KLHDC4: variants seen among roughly 807,000 people sequenced by gnomAD.
KLHDC4 encodes the protein kelch domain containing 4.
In KLHDC4, 90 loss-of-function variants were observed where a neutral mutation model predicts 62.4. The ratio of observed to expected loss-of-function variants is 1.44; its 90% CI spans 1.22 to 1.72. The LOEUF (loss-of-function observed/expected upper bound fraction) is 1.72, where lower values mean the gene tolerates loss of function less well. KLHDC4 is among the 40% of genes most tolerant of loss of function. The pLI is 0.00. For missense variants in KLHDC4, 1,025 were observed against 699.7 expected, an observed-to-expected ratio of 1.47 and a Z score of -5.25; for synonymous variants, 386 against 284.4, an observed-to-expected ratio of 1.36 and a Z score of -3.59.
intron 1 of KLHDC4, among the ~76,000 whole-genome samples, chr16:87,763,943 T>G (rs1229767939): frequency 6.6e-6 from 1 of 152,190 alleles, no homozygotes; most frequent in Non-Finnish European, 1.5e-5. Flanking sequence ...TTGCCATGTT[T>G]GAGACACTAA....
chr16:87,703,752 G>T (rs1256833667), downstream of KLHDC4, among the ~76,000 whole-genome samples: 1 of 152,242 alleles, frequency 6.6e-6, no homozygotes, highest in African/African-American at 2.4e-5. Context: ...CGTGGTACCT[G>T]CACTGTGGCC....
At chr16:87,751,455 C>G (rs1012506765) in intron 4 of KLHDC4, among the ~76,000 whole-genome samples, 1 of 143,370 alleles carries the variant, frequency 7.0e-6, no homozygotes, top group African/African-American at 2.6e-5. Flanking sequence ...GCCCGGGCAA[C>G]AGAGCAAGAC....
At chr16:87,746,813 G>A (rs759121752) in intron 5 of KLHDC4, among the ~76,000 whole-genome samples, 10 of 152,204 alleles carry the variant, frequency 6.6e-5, no homozygotes, top group Non-Finnish European at 1.5e-4. Flanking sequence ...ATTAAAAAAA[G>A]TCTAATAGCT....
exon 14 of KLHDC4, chr16:87,702,263 A>C (rs547109156): frequency 2.2e-6 from 1 of 456,344 alleles, no homozygotes; most frequent in South Asian, 1.5e-5. Context: ...CGCCGAGTCC[A>C]TAAAGGGCAG....
At chr16:87,699,272 G>A (rs1315279067) in exon 1 of KLHDC4, 7 of 152,252 alleles carry the variant, frequency 4.6e-5, no homozygotes, top group East Asian at 1.9e-4. Context: ...GGATAATTTC[G>A]GGAACTGAAA....
At position 87,736,608 on chromosome 16, in the gene KLHDC4, G is replaced by A. The variant is rs1188689581; in HGVS notation, c.507-5964C>T. Reference sequence around the variant, plus strand: ...GTATCAAGTCCATCAAATAACAAATGATAGTGTAAAGACAGGGCACTTAAT... The same window carrying A: ...GTATCAAGTCCATCAAATAACAAATAATAGTGTAAAGACAGGGCACTTAAT... On this transcript the variant is annotated intron_variant, in intron 5 of 11. Coordinates refer to ENST00000270583, the MANE Select transcript of KLHDC4 (RefSeq NM_017566.4). Among the ~76,000 whole-genome samples, 9 of 152,282 alleles carry A rather than the reference G, an allele frequency of 5.9e-5. No individual in the cohort carries two copies. The East Asian group carries it at 1.7e-3, about 29-fold the overall frequency.
In KLHDC4 at chr16:87,748,851, C is replaced by G. The variant is rs1386304701; in HGVS notation, c.370-42G>C. The G allele has an allele frequency of 1.9e-6, 3 of 1,608,378 alleles. No individual in the cohort carries two copies. The African/African-American group carries it at 4.1e-5, about 22-fold the overall frequency. On this transcript the variant is annotated intron_variant, in intron 4 of 11. Coordinates refer to ENST00000270583, the MANE Select transcript of KLHDC4 (RefSeq NM_017566.4). The stretch of plus-strand genomic sequence containing the variant: ...GACAGGTCAGGGCACAGCCACACAG[C>G]AGAAGGGCCAGTGTCATGGGTGACC...
chr16:87,738,195 C>T (rs923218315), intron 5 of KLHDC4, among the ~76,000 whole-genome samples: 1 of 152,156 alleles, frequency 6.6e-6, no homozygotes, highest in Admixed American at 6.5e-5. Flanking sequence ...TAACTCGTTG[C>T]GGTCCTTCAC....
chr16:87,730,138 G>C (rs528607939), intron 6 of KLHDC4, among the ~76,000 whole-genome samples: 1 of 152,268 alleles, frequency 6.6e-6, no homozygotes, highest in Admixed American at 6.5e-5. Context: ...ATTTTTAGTA[G>C]AGACAGCGTT....
chr16:87,737,973 G>A (rs1224223800), intron 5 of KLHDC4, among the ~76,000 whole-genome samples: 2 of 152,172 alleles, frequency 1.3e-5, no homozygotes, highest in Non-Finnish European at 2.9e-5. Context: ...GCACAACGGG[G>A]AATCCATACA....
intron 8 of KLHDC4, among the ~76,000 whole-genome samples, chr16:87,711,961 A>T (rs180885576): frequency 8.9e-6 from 1 of 112,936 alleles, no homozygotes; most frequent in Non-Finnish European, 1.7e-5. Context: ...CCGCCCTGCA[A>T]GGGGACCCTT....
rs551382414 is a variant in KLHDC4, at chr16:87,701,375, C to G, written c.*264G>C. The G allele has an allele frequency of 1.5e-4, 47 of 323,326 alleles. No homozygotes were observed. In the East Asian group the frequency reaches 3.2e-3, roughly 22 times the overall value. The allele number at this position is 323,326 out of a possible 1,614,324, so 20.0% of individuals were successfully genotyped here. Reference sequence around the variant, plus strand: ...GTGGAGAGAAGCTGAATGCTCCTCCCAAGCTTCAGCCCACCCATTAGGAAC... The same window carrying G: ...GTGGAGAGAAGCTGAATGCTCCTCCGAAGCTTCAGCCCACCCATTAGGAAC... On this transcript the variant is annotated 3_prime_UTR_variant, in exon 1 of 1. Coordinates refer to the KLHDC4 transcript ENST00000446344.
chr16:87,734,816 T>G (rs4297684), intron 5 of KLHDC4, among the ~76,000 whole-genome samples: 32,437 of 151,918 alleles, frequency 0.21, 3,897 homozygotes, highest in African/African-American at 0.34. Context: ...CCTCCGGGCT[T>G]GGCACCGCAG....
At chr16:87,745,015 C>G (rs1160085764) in intron 5 of KLHDC4, among the ~76,000 whole-genome samples, 1 of 152,206 alleles carries the variant, frequency 6.6e-6, no homozygotes, top group Non-Finnish European at 1.5e-5. Context: ...CACATGCAGG[C>G]TTTTTTCCAA....
intron 5 of KLHDC4, among the ~76,000 whole-genome samples, chr16:87,747,217 T>C (rs59986853): frequency 0.22 from 32,715 of 152,148 alleles, 3,733 homozygotes; most frequent in South Asian, 0.32. Flanking sequence ...CTGGCGGGAC[T>C]TGCTGGGTTG....
intron 5 of KLHDC4, among the ~76,000 whole-genome samples, chr16:87,745,628 G>C (rs781251551): frequency 3.3e-5 from 5 of 152,224 alleles, no homozygotes; most frequent in African/African-American, 9.6e-5. Context: ...ACAGACTGCA[G>C]TCAACTGTCA....
downstream of KLHDC4, among the ~76,000 whole-genome samples, chr16:87,704,493 C>G (rs1210372316): frequency 7.9e-6 from 1 of 126,608 alleles, no homozygotes; most frequent in African/African-American, 3.2e-5. Context: ...GGGGAGGGTC[C>G]TGAACGTCAC....
At chr16:87,759,879 C>T (rs1047744145) in intron 2 of KLHDC4, among the ~76,000 whole-genome samples, 2 of 152,176 alleles carry the variant, frequency 1.3e-5, no homozygotes, top group Non-Finnish European at 2.9e-5. Context: ...GAGGTCCCCA[C>T]CCAGCCACCA....
rs936119688 is a variant in KLHDC4 at position 87,730,868 on chromosome 16, T to C, written c.507-224A>G. On this transcript the variant is annotated intron_variant, in intron 5 of 11. Transcript: ENST00000270583. ...ACCTCAAGAATAAAACAGGAGAACA[T>C]CTCCAAGACCTTGGACTGCATAAAG... 3.3e-5 allele frequency: 15 copies of C among 459,466 alleles called. No individual in the cohort carries two copies. In the South Asian group the frequency reaches 3.4e-4, roughly 10 times the overall value. 28.5% of individuals were successfully genotyped at this position (459,466 alleles called of 1,614,324 possible). A position where few individuals can be genotyped will look rare whatever the true frequency, so the allele number is the denominator to read the frequency against.
Sources: allele counts gnomAD v4.1 joint callset (sites outside exome capture counted in the v4.1 genomes callset), GRCh38; gene constraint gnomAD v4.1.1; transcripts MANE v1.5; gene names NCBI Gene and HGNC (gene_info 2026-07-23, HGNC 2026-07-21).